Variants in ATP1A1 observed in about 807,000 individuals in gnomAD.
ATP1A1 encodes ATPase Na+/K+ transporting subunit alpha 1.
A neutral mutation model predicts 114.8 loss-of-function variants in ATP1A1; 14 were observed. That is an observed-to-expected ratio of 0.12 (90% confidence interval 0.08 to 0.19). The LOEUF (loss-of-function observed/expected upper bound fraction) is 0.19. Ranked by LOEUF, ATP1A1 falls within the 10% of genes least tolerant of loss-of-function variation. The pLI is 1.00. For synonymous variants in ATP1A1, 471 were observed against 466.3 expected (o/e 1.01, Z -0.13); for missense variants, 524 against 1,290.7 (o/e 0.41, Z 9.10).
intron 3 of ATP1A1, chr1:116,386,146 AAAAAAAAAAAAGG>A (rs1652068801): frequency 1.3e-5 from 2 of 149,154 alleles, no homozygotes; most frequent in Admixed American, 7.0e-5. Context: ...AAAAAAAAAA[AAAAAAAAAAAAGG>A]AGAGAAGAAC....
rs191807863 is a variant in ATP1A1, at chr1:116,392,657, G to A, written c.1333-197G>A. 1.3e-3 allele frequency: 665 copies of A among 529,320 alleles called. 1 individual carries two copies. The highest frequency in any genetic ancestry group is 2.3e-3 in the Admixed American group (60 of 26,262). The allele number at this position is 529,320 out of a possible 1,614,324, so 32.8% of individuals were successfully genotyped here. On this transcript the variant is annotated intron_variant, in intron 10 of 22. Coordinates refer to ENST00000295598, the MANE Select transcript of ATP1A1 (RefSeq NM_000701.8). The stretch of plus-strand genomic sequence containing the variant: ...GGGGTGGGGAAGGACGTTGGGGTTT[G>A]AGTCTGAAGCACTGTGAACAGCAGT...
At position 116,401,457 on chromosome 1, in the gene ATP1A1, T is replaced by C; in HGVS notation, c.2850-97T>C. ...CCTCCAAGTTTTCAAGTACAGCTAA[T>C]ACATAAAGATGTTGATCTGCCATTT... On this transcript the variant is annotated intron_variant, in intron 20 of 22. Coordinates refer to ENST00000295598, the MANE Select transcript of ATP1A1 (RefSeq NM_000701.8). The surrounding 1 kb of genome is among the most constrained non-coding windows in gnomAD (Gnocchi z 4.7). 2 of 1,426,498 alleles carry C rather than the reference T, an allele frequency of 1.4e-6. No homozygotes were observed. The highest frequency in any genetic ancestry group is 1.2e-5 in the South Asian group (1 of 81,246). 88.4% of individuals were successfully genotyped at this position (1,426,498 alleles called of 1,614,324 possible).
rs752682423 is a variant in ATP1A1 at position 116,399,366 on chromosome 1, A to G, written c.2449-54A>G. The stretch of plus-strand genomic sequence containing the variant: ...AGAATTTTATAACAAAAGGTTCACA[A>G]TATTAGCTTCCTTATTTTTAGTAAC... On this transcript the variant is annotated intron_variant, in intron 17 of 22. Transcript: ENST00000295598. The surrounding 1 kb of genome is among the most constrained non-coding windows in gnomAD (Gnocchi z 5.0). The G allele has an allele frequency of 1.3e-5, 20 of 1,591,868 alleles. No homozygotes were observed. Among genetic ancestry groups the G allele is most frequent in the Admixed American group, 1.8e-5 (1 of 55,708 alleles).
At chr1:116,374,446 G>A (rs983123010) in intron 1 of ATP1A1, among the ~76,000 whole-genome samples, 1 of 152,176 alleles carries the variant, frequency 6.6e-6, no homozygotes, top group Admixed American at 6.5e-5. Context: ...TACGGTGGTA[G>A]GAATCTCTGC....
chr1:116,389,023 G>A lies in ATP1A1; in HGVS notation c.754+4G>A. 1 of 1,611,552 alleles carries A rather than the reference G, an allele frequency of 6.2e-7. No individual in the cohort carries two copies. The highest frequency in any genetic ancestry group is 1.1e-5 in the South Asian group (1 of 90,978). On this transcript the variant is annotated splice_donor_region_variant and intron_variant, in intron 7 of 22. Coordinates refer to ENST00000295598, the MANE Select transcript of ATP1A1 (RefSeq NM_000701.8). This position sits in a 1 kb window ranked among gnomAD's most constrained non-coding sequence, Gnocchi z 6.9. ...TTTTCAACCAATTGTGTTGAAGGTA[G>A]GCCATTTTTGGGCACTTTGAGCATG...
chr1:116,399,557 T>A lies in ATP1A1; in HGVS notation c.2572+14T>A. 1 of 1,613,568 alleles carries A rather than the reference T, an allele frequency of 6.2e-7. No homozygotes were observed. The highest frequency in any genetic ancestry group is 1.7e-4 in the Middle Eastern group (1 of 6,052). On this transcript the variant is annotated intron_variant, in intron 18 of 22. Coordinates refer to ENST00000295598, the MANE Select transcript of ATP1A1 (RefSeq NM_000701.8). The surrounding 1 kb of genome is among the most constrained non-coding windows in gnomAD (Gnocchi z 5.0). ...ATGGGCAGATTGGTAAGCTGCAGCC[T>A]GGAGTGGGAAGCTGGCACATCTAAG... is the stretch of plus-strand genomic sequence containing the variant.
At chr1:116,396,493 G>A (rs1652943471) in intron 13 of ATP1A1, 105 bp from the exon 14 acceptor site, 1 of 1,409,070 alleles carries the variant, frequency 7.1e-7, no homozygotes. Flanking sequence ...CCTTTTGATA[G>A]TCTAAGCCGA....
rs1316351670 is a variant in ATP1A1 at position 116,393,430 on chromosome 1, C to G, written c.1468-101C>G. ...AGTTCAGAAAGAAGGGATCTTGGGT[C>G]TTTTATAGCAAATACTAAATAGTAA... On this transcript the variant is annotated intron_variant, in intron 11 of 22. Coordinates refer to ENST00000295598, the MANE Select transcript of ATP1A1 (RefSeq NM_000701.8). This position sits in a 1 kb window ranked among gnomAD's most constrained non-coding sequence, Gnocchi z 5.0. 6 of 1,317,130 alleles carry G rather than the reference C, an allele frequency of 4.6e-6. No individual in the cohort carries two copies. In the African/African-American group the frequency reaches 8.9e-5, roughly 20 times the overall value. The allele number at this position is 1,317,130 out of a possible 1,614,324, so 81.6% of individuals were successfully genotyped here.
chr1:116,400,839 T>C (rs764718758), intron 18 of ATP1A1, 22 bp from the exon 19 acceptor site: 18 of 1,613,774 alleles, frequency 1.1e-5, no homozygotes, highest in Middle Eastern at 1.7e-4. Flanking sequence ...GTTCTAGTAA[T>C]TGGGTTGTTT....
intron 1 of ATP1A1, among the ~76,000 whole-genome samples, chr1:116,376,452 G>A (rs981384475): frequency 2.6e-5 from 4 of 152,186 alleles, no homozygotes; most frequent in Admixed American, 6.5e-5. Context: ...AAGTTGCCCG[G>A]GCCTGGCCGG....
rs1030917975 is a variant in ATP1A1 at position 116,397,468 on chromosome 1, A to T, written c.1974-420A>T. On this transcript the variant is annotated intron_variant, in intron 14 of 22. Transcript: ENST00000295598. The surrounding 1 kb of genome is among the most constrained non-coding windows in gnomAD (Gnocchi z 4.2). ...CCAAGTAGCTGGGATTACAGGCCCC[A>T]ACCACCATGCCCGGCTAATTTTTGA... Among the ~76,000 whole-genome samples the T allele has an allele frequency of 7.9e-5, 12 of 152,024 alleles. No homozygotes were observed. Among genetic ancestry groups the T allele is most frequent in the African/African-American group, 2.9e-4 (12 of 41,376 alleles).
chr1:116,373,901 C>T, intron 1 of ATP1A1: 1 of 1,303,486 alleles, frequency 7.7e-7, no homozygotes, highest in Non-Finnish European at 9.7e-7. Context: ...GAGCCGGCAT[C>T]CCTGAGCCTG....
chr1:116,374,863 G>A (rs61788009), intron 1 of ATP1A1, among the ~76,000 whole-genome samples: 22,219 of 152,100 alleles, frequency 0.15, 2,535 homozygotes, highest in African/African-American at 0.32. Flanking sequence ...GGGACTCTAA[G>A]GGAGTTTTAA....
chr1:116,390,950 A>G, intron 10 of ATP1A1, 59 bp downstream of exon 10: 2 of 1,450,236 alleles, frequency 1.4e-6, no homozygotes. Context: ...CTGCCATTTG[A>G]GTGTTAAAAG....
Position 116,388,839 on chromosome 1 carries a change from A to C in ATP1A1, c.637-63A>C. Reference sequence around the variant, plus strand: ...GTTCGGGCAGCTTGATTTGAGGGGTACAGTAGCCCATGATAAGGCTGGTGT... The same window carrying C: ...GTTCGGGCAGCTTGATTTGAGGGGTCCAGTAGCCCATGATAAGGCTGGTGT... On this transcript the variant is annotated intron_variant, in intron 6 of 22. Coordinates refer to ENST00000295598, the MANE Select transcript of ATP1A1 (RefSeq NM_000701.8). This position sits in a 1 kb window ranked among gnomAD's most constrained non-coding sequence, Gnocchi z 5.6. 4.3e-6 allele frequency: 7 copies of C among 1,613,228 alleles called. No individual in the cohort carries two copies. Among genetic ancestry groups the C allele is most frequent in the Non-Finnish European group, 5.9e-6 (7 of 1,179,414 alleles).
In ATP1A1 at chr1:116,404,610, G is replaced by C. The variant is rs953510058; in HGVS notation, c.*166G>C. On this transcript the variant is annotated 3_prime_UTR_variant, in exon 23 of 23. Coordinates refer to ENST00000295598, the MANE Select transcript of ATP1A1 (RefSeq NM_000701.8). This position sits in a 1 kb window ranked among gnomAD's most constrained non-coding sequence, Gnocchi z 4.8. The stretch of plus-strand genomic sequence containing the variant: ...CTGGAATGAAGCATGTAGCTCTATG[G>C]GGGGAGGGGGGAGGGCTGCCTGAAA... 27 of 1,320,076 alleles carry C rather than the reference G, an allele frequency of 2.0e-5. No individual in the cohort carries two copies. The highest frequency in any genetic ancestry group is 4.0e-5 in the Admixed American group (1 of 25,182). 81.8% of individuals were successfully genotyped at this position (1,320,076 alleles called of 1,614,324 possible).
chr1:116,375,385 C>CA (rs1344204684), intron 1 of ATP1A1, among the ~76,000 whole-genome samples: 1 of 152,204 alleles, frequency 6.6e-6, no homozygotes, highest in East Asian at 1.9e-4. Flanking sequence ...ATTAATAGGC[C>CA]ATGGAGATGG....
rs1429697079 is a variant in ATP1A1, at chr1:116,399,570, T to A, written c.2572+27T>A. ...TAAGCTGCAGCCTGGAGTGGGAAGCTGGCACATCTAAGGCATCTGAGGTGA... is the reference window on the plus strand; with the variant it reads ...TAAGCTGCAGCCTGGAGTGGGAAGCAGGCACATCTAAGGCATCTGAGGTGA... On this transcript the variant is annotated intron_variant, in intron 18 of 22. Transcript: ENST00000295598. This position sits in a 1 kb window ranked among gnomAD's most constrained non-coding sequence, Gnocchi z 5.0. 6.2e-7 allele frequency: 1 copy of A among 1,613,284 alleles called. No individual in the cohort carries two copies.
chr1:116,382,129 C>T (rs61788013), intron 1 of ATP1A1, among the ~76,000 whole-genome samples: 12,859 of 152,176 alleles, frequency 0.085, 1,281 homozygotes, highest in African/African-American at 0.24. Flanking sequence ...GCTTAGATTG[C>T]GCCACTGCAC....
Sources: allele counts gnomAD v4.1 joint callset (sites outside exome capture counted in the v4.1 genomes callset), GRCh38; gene constraint gnomAD v4.1.1; non-coding constraint Gnocchi (gnomAD v3.1); transcripts MANE v1.5; gene names NCBI Gene and HGNC (gene_info 2026-07-23, HGNC 2026-07-21).